The following PLEKHA2 variants were observed in gnomAD, a reference collection of about 807,000 sequenced individuals.
The protein encoded by PLEKHA2 is pleckstrin homology domain-containing family A member 2.
A neutral mutation model predicts 53.2 loss-of-function variants in PLEKHA2; 28 were observed. That is an observed-to-expected ratio of 0.53 (90% CI 0.39 to 0.72). The LOEUF is 0.72. Among genes scored for constraint, PLEKHA2 ranks in the 30% least tolerant of loss-of-function variants. The pLI is 0.00. For synonymous variants in PLEKHA2, 193 were observed against 196.4 expected, an observed-to-expected ratio of 0.98 and a Z score of 0.14; for missense variants, 426 against 537.9, an observed-to-expected ratio of 0.79 and a Z score of 2.06.
At chr8:38,955,858 C>A (rs1304433404) in intron 9 of PLEKHA2, among the ~76,000 whole-genome samples, 1 of 152,138 alleles carries the variant, frequency 6.6e-6, no homozygotes, top group Non-Finnish European at 1.5e-5. Flanking sequence ...CTTGCTCTGT[C>A]CCCAGATTGG....
Position 38,919,067 on chromosome 8 carries a change from G to A in PLEKHA2, c.141+997G>A, listed in dbSNP as rs531068570. On this transcript the variant is annotated intron_variant, in intron 2 of 11. Coordinates refer to ENST00000617275, the MANE Select transcript of PLEKHA2 (RefSeq NM_021623.2). ...AGAATGTGACCTGGTTCCCTGAGCCGGACACATGTTGGACTTCTTTGGTCT... is the reference window on the plus strand; with the variant it reads ...AGAATGTGACCTGGTTCCCTGAGCCAGACACATGTTGGACTTCTTTGGTCT... Among the ~76,000 whole-genome samples, 15 of 152,310 alleles carry A rather than the reference G, an allele frequency of 9.8e-5. No individual in the cohort carries two copies. The South Asian group carries it at 1.0e-3, about 11-fold the overall frequency.
chr8:38,927,354 A>G (rs1178156658), intron 2 of PLEKHA2, among the ~76,000 whole-genome samples: 1 of 152,034 alleles, frequency 6.6e-6, no homozygotes, highest in Non-Finnish European at 1.5e-5. Flanking sequence ...TAAAATAAAG[A>G]AATTAGGCAA....
intron 10 of PLEKHA2, among the ~76,000 whole-genome samples, chr8:38,959,730 A>G (rs1445599367): frequency 6.6e-6 from 1 of 152,248 alleles, no homozygotes; most frequent in African/African-American, 2.4e-5. Context: ...TTTGAGAGAT[A>G]TTAAAAAGGT....
At chr8:38,904,478 G>C (rs1171735847) in intron 1 of PLEKHA2, among the ~76,000 whole-genome samples, 2 of 152,194 alleles carry the variant, frequency 1.3e-5, no homozygotes, top group Non-Finnish European at 2.9e-5. Flanking sequence ...CTCAAATTTG[G>C]CTGGCCCCTT....
chr8:38,925,012 A>T (rs1182076554), intron 2 of PLEKHA2, among the ~76,000 whole-genome samples: 1 of 152,280 alleles, frequency 6.6e-6, no homozygotes, highest in Admixed American at 6.5e-5. Flanking sequence ...TATCAAGCAA[A>T]CTTTTTTTTA....
chr8:38,967,744 C>T (rs1588282280), intron 10 of PLEKHA2, among the ~76,000 whole-genome samples: 1 of 150,576 alleles, frequency 6.6e-6, no homozygotes, highest in East Asian at 2.0e-4. Flanking sequence ...TCACTGCAAC[C>T]TCTGCCTCCT....
Position 38,933,790 on chromosome 8 carries a change from A to AAAAAAAAAAAAAAAAAAG in PLEKHA2, c.142-2200_142-2199insAAAAAAAAAAAAAGAAAA, listed in dbSNP as rs71216697. On this transcript the variant is annotated intron_variant, in intron 2 of 11. Transcript: ENST00000617275. ...AATAGAGGTTTCCTAAAAAAAAAAA[A>AAAAAAAAAAAAAAAAAAG]AAAAGAAAAGAAAGAAAAGCAGTCG... Among the ~76,000 whole-genome samples, 86 of 90,614 alleles carry AAAAAAAAAAAAAAAAAAG rather than the reference A, an allele frequency of 9.5e-4. 4 individuals carry two copies. The highest frequency in any genetic ancestry group is 1.7e-3 in the African/African-American group (43 of 25,986). The allele number at this position is 90,614 out of a possible 152,430, so 59.4% of individuals were successfully genotyped here.
intron 2 of PLEKHA2, among the ~76,000 whole-genome samples, chr8:38,934,897 A>G (rs1834464646): frequency 6.6e-6 from 1 of 152,200 alleles, no homozygotes; most frequent in Non-Finnish European, 1.5e-5. Context: ...ACTGGCATAA[A>G]ACAGGACAGA....
At chr8:38,928,989 C>T (rs897591585) in intron 2 of PLEKHA2, among the ~76,000 whole-genome samples, 1 of 152,182 alleles carries the variant, frequency 6.6e-6, no homozygotes, top group African/African-American at 2.4e-5. Context: ...TGTGGGGCAG[C>T]GGCAGCTATG....
At chr8:38,919,047 GTGACCTGGTTCCC>G (rs984996918) in intron 2 of PLEKHA2, among the ~76,000 whole-genome samples, 30 of 152,322 alleles carry the variant, frequency 2.0e-4, no homozygotes, top group African/African-American at 7.2e-4. Context: ...AGCAGAGAAT[GTGACCTGGTTCCC>G]TGAGCCGGAC....
intron 1 of PLEKHA2, among the ~76,000 whole-genome samples, chr8:38,909,440 C>T (rs970020441): frequency 5.3e-5 from 7 of 132,256 alleles, no homozygotes; most frequent in Non-Finnish European, 9.6e-5. Flanking sequence ...CTGTTTTAAG[C>T]AGTGATCTTT....
At chr8:38,952,133 G>A (rs1834854874) in intron 6 of PLEKHA2, 33 bp from the exon 7 acceptor site, 2 of 1,599,060 alleles carry the variant, frequency 1.3e-6, no homozygotes, top group Non-Finnish European at 1.7e-6. Flanking sequence ...ATAGAGGGAG[G>A]GAGGCGCTGA....
At chr8:38,963,129 T>G (rs1835069211) in intron 10 of PLEKHA2, among the ~76,000 whole-genome samples, 1 of 152,220 alleles carries the variant, frequency 6.6e-6, no homozygotes. Flanking sequence ...TTATGTTAGA[T>G]AGTCAATAGA....
intron 2 of PLEKHA2, among the ~76,000 whole-genome samples, chr8:38,928,942 T>G (rs1834338469): frequency 6.6e-6 from 1 of 152,176 alleles, no homozygotes; most frequent in Non-Finnish European, 1.5e-5. Flanking sequence ...TTGGCTCCCC[T>G]GCTTTGGTTG....
intron 10 of PLEKHA2, among the ~76,000 whole-genome samples, chr8:38,961,442 C>T (rs1835040478): frequency 6.6e-6 from 1 of 152,006 alleles, no homozygotes; most frequent in Non-Finnish European, 1.5e-5. Context: ...TAGGCTGAGG[C>T]AGGAGAATCT....
At chr8:38,901,730 C>G (rs1462572744) in intron 1 of PLEKHA2, 1 of 114,164 alleles carries the variant, frequency 8.8e-6, no homozygotes. Context: ...GGTCGGGCTG[C>G]GGGGGGTGGG....
intron 2 of PLEKHA2, among the ~76,000 whole-genome samples, chr8:38,925,176 A>G (rs1834262976): frequency 1.3e-5 from 2 of 152,236 alleles, no homozygotes; most frequent in African/African-American, 4.8e-5. Context: ...ATTCTTGAAC[A>G]GAAACAAATG....
intron 5 of PLEKHA2, among the ~76,000 whole-genome samples, chr8:38,947,816 C>T (rs1163336363): frequency 2.0e-5 from 3 of 151,708 alleles, no homozygotes; most frequent in Admixed American, 6.6e-5. Flanking sequence ...TGGCCAGGCG[C>T]GGTGGCTCAC....
intron 2 of PLEKHA2, among the ~76,000 whole-genome samples, chr8:38,931,621 A>G: frequency 6.6e-6 from 1 of 152,208 alleles, no homozygotes; most frequent in Admixed American, 6.5e-5. Context: ...GCAGAGCTGC[A>G]TTGGTCTTCC....
Sources: allele counts gnomAD v4.1 joint callset (sites outside exome capture counted in the v4.1 genomes callset), GRCh38; gene constraint gnomAD v4.1.1; transcripts MANE v1.5; gene names NCBI Gene and HGNC (gene_info 2026-07-23, HGNC 2026-07-21).